Variants in ADGRG6 observed in about 807,000 individuals in gnomAD.
ADGRG6 encodes the protein adhesion G protein-coupled receptor G6, also known as G-protein coupled receptor 126.
Under a neutral mutation model 142.4 loss-of-function variants are expected in ADGRG6, and 84 were observed. That is an observed-to-expected ratio of 0.59 (90% CI 0.49 to 0.71). The LOEUF is 0.71. Among genes scored for constraint, ADGRG6 ranks in the 30% least tolerant of loss-of-function variants. The pLI, the probability that ADGRG6 is intolerant of heterozygous loss-of-function variation, is 0.00. For synonymous variants in ADGRG6, 521 were observed against 520.5 expected (o/e 1.00, Z -0.01); for missense variants, 1,367 against 1,466.6 (o/e 0.93, Z 1.11).
chr6:142,387,406 G>C (rs1782085928), intron 6 of ADGRG6, among the ~76,000 whole-genome samples: 1 of 152,178 alleles, frequency 6.6e-6, no homozygotes, highest in Admixed American at 6.5e-5. Flanking sequence ...ACGTTTAGCT[G>C]CTTAAATAAC....
chr6:142,362,073 A>C (rs1780751091), intron 2 of ADGRG6, among the ~76,000 whole-genome samples: 1 of 152,232 alleles, frequency 6.6e-6, no homozygotes, highest in Non-Finnish European at 1.5e-5. Context: ...GACAGAACTC[A>C]AAGTTTAAAC....
At chr6:142,419,625 A>G (rs888695696) in intron 21 of ADGRG6, among the ~76,000 whole-genome samples, 196 bp from the exon 22 acceptor site, 2 of 152,110 alleles carry the variant, frequency 1.3e-5, no homozygotes, top group African/African-American at 4.8e-5. Flanking sequence ...TATTAAGACA[A>G]TGGCCATCCA....
intron 2 of ADGRG6, 101 bp downstream of exon 2, chr6:142,309,745 C>CTTT (rs66489806): frequency 8.3e-5 from 44 of 527,558 alleles, no homozygotes; most frequent in African/African-American, 5.9e-4. Flanking sequence ...TACTTACTGC[C>CTTT]TTTTTTTTTT....
At chr6:142,404,493 A>T (rs1272186184) in intron 14 of ADGRG6, among the ~76,000 whole-genome samples, 3 of 151,848 alleles carry the variant, frequency 2.0e-5, no homozygotes, top group Admixed American at 1.3e-4. Context: ...TACAAAAAAA[A>T]GTTAGCCAGG....
At chr6:142,332,092 T>C (rs1260623007) in intron 2 of ADGRG6, among the ~76,000 whole-genome samples, 1 of 152,146 alleles carries the variant, frequency 6.6e-6, no homozygotes, top group East Asian at 1.9e-4. Context: ...TATATAAATA[T>C]AGGAATGGCT....
At chr6:142,308,777 T>C (rs1736757985) in intron 1 of ADGRG6, among the ~76,000 whole-genome samples, 1 of 151,746 alleles carries the variant, frequency 6.6e-6, no homozygotes, top group South Asian at 2.1e-4. Context: ...TTGATGGTGC[T>C]GATTCAATGA....
At position 142,383,842 on chromosome 6, in the gene ADGRG6, TG is replaced by T. The variant is rs1232232768; in HGVS notation, c.1222+1del. ...CTAACAGAATCGATAAACAAAGGAA[TG>T]GTAAGAAATCATTACCTTTTATATT... ...VTNRIDKQRN[D>X]GIIYRISVVI... is the part of the protein sequence containing the mutation. On this transcript the variant is annotated frameshift_variant and splice_region_variant, in exon 6 of 25. Transcript: ENST00000367609. LOFTEE classifies it high-confidence loss of function. 2.7e-6 allele frequency: 4 copies of T among 1,466,530 alleles called. No homozygotes were observed. The African/African-American group carries it at 5.5e-5, about 20-fold the overall frequency. 90.8% of individuals were successfully genotyped at this position (1,466,530 alleles called of 1,614,324 possible).
chr6:142,341,491 TA>T (rs1779631232), intron 2 of ADGRG6, among the ~76,000 whole-genome samples: 2 of 118,214 alleles, frequency 1.7e-5, no homozygotes, highest in South Asian at 2.2e-4. Context: ...ATATACTATA[TA>T]ATATTATATA....
At chr6:142,423,040 A>G (rs1776740640) in intron 22 of ADGRG6, among the ~76,000 whole-genome samples, 1 of 151,130 alleles carries the variant, frequency 6.6e-6, no homozygotes, top group South Asian at 2.1e-4. Context: ...AATGTGTTTG[A>G]GTTCATTGTA....
intron 22 of ADGRG6, among the ~76,000 whole-genome samples, chr6:142,420,955 T>G (rs1776629544): frequency 6.6e-6 from 1 of 152,182 alleles, no homozygotes; most frequent in South Asian, 2.1e-4. Context: ...TGTTTCTGAG[T>G]AGAGCAGTGC....
At chr6:142,338,017 GTTTTTT>G (rs1181314373) in intron 2 of ADGRG6, among the ~76,000 whole-genome samples, 9 of 35,394 alleles carry the variant, frequency 2.5e-4, no homozygotes, top group Admixed American at 1.4e-3. Context: ...TTGTATCTTT[GTTTTTT>G]TTTTTTTTTT....
intron 3 of ADGRG6, among the ~76,000 whole-genome samples, chr6:142,369,667 G>A (rs1781137419): frequency 6.6e-6 from 1 of 152,178 alleles, no homozygotes; most frequent in South Asian, 2.1e-4. Context: ...GAAAAAATAG[G>A]AGGATATAGA....
chr6:142,320,142 G>A, intron 2 of ADGRG6, among the ~76,000 whole-genome samples: 1 of 152,036 alleles, frequency 6.6e-6, no homozygotes, highest in East Asian at 1.9e-4. Context: ...TAAGACTACA[G>A]TGTTACTTTT....
At chr6:142,332,536 C>A (rs73578337) in intron 2 of ADGRG6, among the ~76,000 whole-genome samples, 1 of 149,804 alleles carries the variant, frequency 6.7e-6, no homozygotes, top group South Asian at 2.1e-4. Context: ...GCAGAGTTGA[C>A]GTTCTGCTGG....
intron 22 of ADGRG6, among the ~76,000 whole-genome samples, chr6:142,427,872 G>A (rs73582547): frequency 0.056 from 8,485 of 152,086 alleles, 319 homozygotes; most frequent in Non-Finnish European, 0.084. Flanking sequence ...TCACTATCAC[G>A]AGAACAGCCC....
At chr6:142,396,648 G>A (rs1034710313) in intron 9 of ADGRG6, among the ~76,000 whole-genome samples, 5 of 152,156 alleles carry the variant, frequency 3.3e-5, no homozygotes, top group African/African-American at 4.8e-5. Flanking sequence ...TGTCTTTGGC[G>A]TGAAGACAGT....
At chr6:142,306,797 G>A (rs1172973011) in intron 1 of ADGRG6, among the ~76,000 whole-genome samples, 2 of 152,072 alleles carry the variant, frequency 1.3e-5, no homozygotes, top group South Asian at 2.1e-4. Flanking sequence ...TCTTTGCTAA[G>A]TGATCCCCTG....
intron 2 of ADGRG6, among the ~76,000 whole-genome samples, chr6:142,361,453 G>C (rs925368004): frequency 6.6e-5 from 10 of 152,126 alleles, no homozygotes; most frequent in African/African-American, 2.4e-4. Flanking sequence ...TAGCAGAGGT[G>C]GTGCTTGGAG....
chr6:142,367,603 C>T lies in ADGRG6; in HGVS notation c.138C>T (p.Ser46=), dbSNP rs548140209. ...GTGCCAACTGCCGAGTGGTTTTGTCCAACCCTTCTGGGACCTTTACTTCTC... is the reference window on the plus strand; with the variant it reads ...GTGCCAACTGCCGAGTGGTTTTGTCTAACCCTTCTGGGACCTTTACTTCTC... ...WGCANCRVVL[S]NPSGTFTSPC... is the part of the protein sequence containing the mutation. The change falls in exon 3 of 25, where the codon TCC becomes TCT. Residue 46 remains serine (S), a synonymous_variant. Transcript: ENST00000367609. 3.7e-6 allele frequency: 6 copies of T among 1,613,676 alleles called. No homozygotes were observed. The East Asian group carries it at 1.3e-4, about 36-fold the overall frequency.
Sources: gnomAD v4.1 joint callset for allele counts (sites outside exome capture counted in the v4.1 genomes callset) on GRCh38, gnomAD v4.1.1 for gene constraint, MANE v1.5 for transcripts, NCBI Gene and HGNC (gene_info 2026-07-23, HGNC 2026-07-21) for gene names.